Variants in DPP6 observed in about 807,000 individuals in gnomAD.
DPP6 encodes the protein dipeptidyl peptidase like 6.
Under a neutral mutation model 122.6 loss-of-function variants are expected in DPP6, and 69 were observed. That is an observed-to-expected ratio of 0.56 (90% confidence interval 0.46 to 0.69). The LOEUF (loss-of-function observed/expected upper bound fraction) is 0.69, where lower values mean the gene tolerates loss of function less well. Ranked by LOEUF, DPP6 falls within the 30% of genes least tolerant of loss-of-function variation. The pLI, the probability that DPP6 is intolerant of heterozygous loss-of-function variation, is 0.00. For synonymous variants in DPP6, 418 were observed against 433.1 expected, an observed-to-expected ratio of 0.97 and a Z score of 0.43; for missense variants, 928 against 1,116.9, an observed-to-expected ratio of 0.83 and a Z score of 2.41.
chr7:154,661,714 A>G (rs367731877), intron 6 of DPP6, among the ~76,000 whole-genome samples: 157 of 117,640 alleles, frequency 1.3e-3, no homozygotes, highest in African/African-American at 2.0e-3. Context: ...TCACCATGGC[A>G]TATTGGCCGT....
intron 7 of DPP6, among the ~76,000 whole-genome samples, chr7:154,707,128 G>A (rs999672172): frequency 3.3e-5 from 5 of 152,212 alleles, no homozygotes; most frequent in Admixed American, 1.3e-4. Flanking sequence ...GGGAAAAGTG[G>A]TAAAGTGAGG....
At chr7:153,894,260 T>A (rs150015109) in intron 1 of DPP6, among the ~76,000 whole-genome samples, 6 of 152,280 alleles carry the variant, frequency 3.9e-5, no homozygotes, top group African/African-American at 1.2e-4. Context: ...ATTTTAAAAT[T>A]TTCTGTTTAT....
At chr7:154,427,518 C>T (rs1818012644) in intron 1 of DPP6, among the ~76,000 whole-genome samples, 1 of 152,186 alleles carries the variant, frequency 6.6e-6, no homozygotes, top group South Asian at 2.1e-4. Flanking sequence ...AATGTGGCCT[C>T]CTAACTGAAT....
chr7:153,799,215 T>A, the DPP6 span, among the ~76,000 whole-genome samples: 1 of 152,202 alleles, frequency 6.6e-6, no homozygotes, highest in Non-Finnish European at 1.5e-5. Flanking sequence ...CCTTCACAGT[T>A]GATGGAATGT....
At chr7:154,182,389 C>G (rs546261671) in intron 1 of DPP6, among the ~76,000 whole-genome samples, 1 of 152,266 alleles carries the variant, frequency 6.6e-6, no homozygotes, top group African/African-American at 2.4e-5. Context: ...TGCTGTCCCC[C>G]TCCTCATGCT....
At chr7:154,445,777 T>TAA (rs33926357) in intron 1 of DPP6, among the ~76,000 whole-genome samples, 1 of 147,824 alleles carries the variant, frequency 6.8e-6, no homozygotes. Context: ...CACATGGATG[T>TAA]AAAAAAAAAA....
At chr7:154,267,926 ATG>A (rs894801419) in intron 1 of DPP6, among the ~76,000 whole-genome samples, 1 of 148,770 alleles carries the variant, frequency 6.7e-6, no homozygotes, top group Non-Finnish European at 1.5e-5. Context: ...ATACATATTT[ATG>A]TGTGTGTATA....
intron 4 of DPP6, among the ~76,000 whole-genome samples, chr7:154,564,964 G>T (rs1429479806): frequency 6.6e-6 from 1 of 152,152 alleles, no homozygotes; most frequent in Non-Finnish European, 1.5e-5. Context: ...TTACACTGGT[G>T]ATCTCACTGT....
At chr7:153,814,461 A>G in the DPP6 span, among the ~76,000 whole-genome samples, 1 of 152,278 alleles carries the variant, frequency 6.6e-6, no homozygotes, top group Non-Finnish European at 1.5e-5. Context: ...TTGTGGCAAT[A>G]ATCAATAGCT....
At chr7:154,124,338 G>A (rs990199392) in intron 1 of DPP6, among the ~76,000 whole-genome samples, 12 of 152,076 alleles carry the variant, frequency 7.9e-5, no homozygotes, top group African/African-American at 2.7e-4. Flanking sequence ...GTGGAGAGCG[G>A]GAGCAGGGGA....
rs1800761243 is a variant in DPP6, at chr7:154,833,138, G to A, written c.1667-20642G>A. Among the ~76,000 whole-genome samples the A allele has an allele frequency of 6.6e-6, 1 of 152,112 alleles. No homozygotes were observed. The highest frequency in any genetic ancestry group is 2.1e-4 in the South Asian group (1 of 4,818). On this transcript the variant is annotated intron_variant, in intron 16 of 25. Coordinates refer to ENST00000377770, the MANE Select transcript of DPP6 (RefSeq NM_130797.4). This position sits in a 1 kb window ranked among gnomAD's most constrained non-coding sequence, Gnocchi z 4.3. ...CACGTGCTGAGACCTCTGCTAAGTGGAGGCATCTCACTCACGCCATGCAAG... is the reference window on the plus strand; with the variant it reads ...CACGTGCTGAGACCTCTGCTAAGTGAAGGCATCTCACTCACGCCATGCAAG...
chr7:154,263,811 C>G lies in DPP6; in HGVS notation c.244-182403C>G, dbSNP rs1282897736. 2.0e-5 allele frequency among the ~76,000 whole-genome samples: 3 copies of G among 152,168 alleles called. No homozygotes were observed. The East Asian group carries it at 5.8e-4, about 29-fold the overall frequency. On this transcript the variant is annotated intron_variant, in intron 1 of 25. Coordinates refer to ENST00000377770, the MANE Select transcript of DPP6 (RefSeq NM_130797.4). ...GTTCAAGTGATTCTCCTGCCTCAGC[C>G]TCCTGAGTAGCTGGGATTACAGGTG...
chr7:154,569,103 A>C lies in DPP6; in HGVS notation c.627+2187A>C, dbSNP rs144873960. On this transcript the variant is annotated intron_variant, in intron 5 of 25. Coordinates refer to ENST00000377770, the MANE Select transcript of DPP6 (RefSeq NM_130797.4). Reference sequence around the variant, plus strand: ...TATCAAATCCACAAAATATGTAATAAAAGGATTACATATGGGATTCTGCAT... The same window carrying C: ...TATCAAATCCACAAAATATGTAATACAAGGATTACATATGGGATTCTGCAT... Among the ~76,000 whole-genome samples, 25 of 152,152 alleles carry C rather than the reference A, an allele frequency of 1.6e-4. No individual in the cohort carries two copies. The East Asian group carries it at 4.8e-3, about 29-fold the overall frequency.
chr7:154,106,151 C>G (rs1806147018), intron 1 of DPP6, among the ~76,000 whole-genome samples: 1 of 150,494 alleles, frequency 6.6e-6, no homozygotes, highest in Admixed American at 6.6e-5. Flanking sequence ...GATAAAAGTT[C>G]ATTCAGAAAA....
chr7:154,439,994 C>T (rs186073929), intron 1 of DPP6, among the ~76,000 whole-genome samples: 3 of 152,312 alleles, frequency 2.0e-5, no homozygotes, highest in Admixed American at 6.5e-5. Context: ...ACGTGGTGGA[C>T]ACTGCCCAGG....
intron 1 of DPP6, among the ~76,000 whole-genome samples, chr7:154,198,971 C>CGTT (rs1435140697): frequency 6.6e-6 from 1 of 151,810 alleles, no homozygotes; most frequent in Non-Finnish European, 1.5e-5. Flanking sequence ...TGTTGATCAT[C>CGTT]GTTATGGTCC....
At chr7:154,321,102 C>T (rs918641919) in intron 1 of DPP6, among the ~76,000 whole-genome samples, 7 of 151,868 alleles carry the variant, frequency 4.6e-5, no homozygotes, top group African/African-American at 1.7e-4. Flanking sequence ...GGCAGCATGG[C>T]AAAAATCCAT....
rs1258741936 is a variant in DPP6, at chr7:154,486,884, G to C, written c.457+11847G>C. ...AGTTCCTAACTGATGGATGATGCTG[G>C]GCCCCGCTGTTGATGCTGCTTAATT... On this transcript the variant is annotated intron_variant, in intron 3 of 25. Transcript: ENST00000377770. The surrounding 1 kb of genome is among the most constrained non-coding windows in gnomAD (Gnocchi z 4.5). 6.6e-6 allele frequency among the ~76,000 whole-genome samples: 1 copy of C among 152,120 alleles called. No homozygotes were observed. Among genetic ancestry groups the C allele is most frequent in the Non-Finnish European group, 1.5e-5 (1 of 68,026 alleles).
intron 8 of DPP6, among the ~76,000 whole-genome samples, chr7:154,743,466 G>T (rs1414473736): frequency 6.6e-6 from 1 of 152,198 alleles, no homozygotes; most frequent in Non-Finnish European, 1.5e-5. Context: ...CATTTGGGGT[G>T]TTAGGAAAGA....
Sources: allele counts gnomAD v4.1 joint callset (sites outside exome capture counted in the v4.1 genomes callset), GRCh38; gene constraint gnomAD v4.1.1; non-coding constraint Gnocchi (gnomAD v3.1); transcripts MANE v1.5; gene names NCBI Gene and HGNC (gene_info 2026-07-23, HGNC 2026-07-21).